POLG: variants seen among roughly 807,000 people sequenced by gnomAD.
The protein encoded by POLG is DNA polymerase gamma, catalytic subunit, also known as DNA polymerase subunit gamma-1.
A neutral mutation model predicts 155.4 loss-of-function variants in POLG; 110 were observed. The observed-to-expected ratio is 0.71, with a 90% CI of 0.61 to 0.83. The LOEUF is 0.83. POLG is among the 40% of genes least tolerant of loss of function. The pLI is 0.00. For missense variants in POLG, 1,685 were observed against 1,627.5 expected (o/e 1.04, Z -0.61); for synonymous variants, 701 against 631.5 (o/e 1.11, Z -1.65).
At chr15:89,331,933 G>T (rs3176168) in intron 2 of POLG, among the ~76,000 whole-genome samples, 91 of 152,290 alleles carry the variant, frequency 6.0e-4, no homozygotes, top group African/African-American at 2.0e-3. Context: ...GGGAGGGAAA[G>T]GAGAGGTAAA....
intron 16 of POLG, among the ~76,000 whole-genome samples, chr15:89,321,507 G>C (rs1449836882): frequency 6.6e-6 from 1 of 152,202 alleles, no homozygotes; most frequent in Non-Finnish European, 1.5e-5. Context: ...AATTCCATGA[G>C]AGCTGTAGCT....
chr15:89,316,629 CTGAAAAA>C lies in POLG; in HGVS notation c.*115_*121del, dbSNP rs774425381. On this transcript the variant is annotated 3_prime_UTR_variant, in exon 23 of 23. Coordinates refer to ENST00000268124, the MANE Select transcript of POLG (RefSeq NM_002693.3). ...GGAATCTTCTTGGCAGGTCCTGCTA[CTGAAAAA>C]TGGCTGGCCTTAGGCAAGCCCTTTT... 2.8e-4 allele frequency: 325 copies of C among 1,144,800 alleles called. No individual in the cohort carries two copies. Among genetic ancestry groups the C allele is most frequent in the Non-Finnish European group, 4.1e-4 (313 of 763,038 alleles). The allele number at this position is 1,144,800 out of a possible 1,614,324, so 70.9% of individuals were successfully genotyped here. A position where few individuals can be genotyped will look rare whatever the true frequency, so the allele number is the denominator to read the frequency against.
At position 89,328,458 on chromosome 15, in the gene POLG, C is replaced by G; in HGVS notation, c.1248G>C (p.Glu416Asp). 1 of 1,613,270 alleles carries G rather than the reference C, an allele frequency of 6.2e-7. No homozygotes were observed. The highest frequency in any genetic ancestry group is 8.5e-7 in the Non-Finnish European group (1 of 1,179,510). ...VFQQQLPLFL[E>D]RCPHPVTLAG... ...TTCCCACATGGGCTCCCCCTCACCT[C>G]TCCAAGAAGAGCGGTAGCTGCTGCT... Residue 416 changes from glutamate to aspartate, a missense_variant and splice_region_variant, in exon 6 of 23, where the codon GAG becomes GAC. By Grantham distance (45) the Glu-to-Asp change is conservative (BLOSUM62 2). Transcript: ENST00000268124.
intron 10 of POLG, among the ~76,000 whole-genome samples, chr15:89,324,815 G>A (rs2055448109): frequency 6.6e-6 from 1 of 152,180 alleles, no homozygotes; most frequent in African/African-American, 2.4e-5. Context: ...GCACTGCTTG[G>A]CCCATAATTA....
Position 89,320,978 on chromosome 15 carries a change from G to A in POLG, c.2769C>T (p.Gly923=). ...GTAGATCAGTGCCCCTGCTCTTCCT[G>A]CCCTGCAGTGTCATCCACCCAAAGG... ...CTAFGWMTLQ[G]RKSRGTDLHS... Residue 923 remains glycine (G), a synonymous_variant, in exon 18 of 23, where the codon GGC becomes GGT. Coordinates refer to ENST00000268124, the MANE Select transcript of POLG (RefSeq NM_002693.3). 1.9e-6 allele frequency: 3 copies of A among 1,582,332 alleles called. No homozygotes were observed. The highest frequency in any genetic ancestry group is 2.3e-5 in the East Asian group (1 of 43,436).
At chr15:89,332,833 G>A (rs2055612270) in intron 2 of POLG, among the ~76,000 whole-genome samples, 1 of 152,168 alleles carries the variant, frequency 6.6e-6, no homozygotes, top group African/African-American at 2.4e-5. Flanking sequence ...GTGGCCTCCC[G>A]AAGGTCTCAT....
rs2055634798 is a variant in POLG at position 89,333,906 on chromosome 15, C to T, written c.-152G>A. 1 of 824,190 alleles carries T rather than the reference C, an allele frequency of 1.2e-6. No homozygotes were observed. The highest frequency in any genetic ancestry group is 1.7e-5 in the African/African-American group (1 of 58,644). 51.1% of individuals were successfully genotyped at this position (824,190 alleles called of 1,614,324 possible). A position where few individuals can be genotyped will look rare whatever the true frequency, so the allele number is the denominator to read the frequency against. On this transcript the variant is annotated 5_prime_UTR_variant, in exon 2 of 23. Transcript: ENST00000268124. ...GGGTTTGACCATGCCTGCCTTCCAC[C>T]CCAAATCCTAAAGGAGACAGATGAT...
chr15:89,318,393 T>C, intron 21 of POLG, 148 bp downstream of exon 21: 1 of 667,714 alleles, frequency 1.5e-6, no homozygotes. Flanking sequence ...TCTACAACTT[T>C]TTAAAAATTA....
intron 5 of POLG, 30 bp from the exon 6 acceptor site, chr15:89,328,565 T>G: frequency 6.2e-7 from 1 of 1,610,258 alleles, no homozygotes; most frequent in Non-Finnish European, 8.5e-7. Flanking sequence ...AGGCGCAAGG[T>G]GGGCAGCCAT....
At chr15:89,322,953 G>C in intron 13 of POLG, 51 bp from the exon 14 acceptor site, 1 of 1,586,380 alleles carries the variant, frequency 6.3e-7, no homozygotes, top group Non-Finnish European at 8.6e-7. Flanking sequence ...AGACCCCTGG[G>C]TGGGGAACCA....
At chr15:89,326,386 G>A (rs1156947002) in intron 9 of POLG, among the ~76,000 whole-genome samples, 1 of 152,192 alleles carries the variant, frequency 6.6e-6, no homozygotes, top group African/African-American at 2.4e-5. Context: ...TGGCTGCCAC[G>A]GGCCATTGCA....
At chr15:89,325,255 A>AGTGAGTGAGAGTGAGTGAGT (rs1312136071) in intron 10 of POLG, among the ~76,000 whole-genome samples, 195 bp downstream of exon 10, 1 of 39,176 alleles carries the variant, frequency 2.6e-5, no homozygotes, top group African/African-American at 1.8e-4. Context: ...AGTGAGAGAG[A>AGTGAGTGAGAGTGAGTGAGT]GAGTGAGTGA....
rs989136091 is a variant in POLG at position 89,318,822 on chromosome 15, A to G, written c.3274-73T>C. 13 of 1,556,714 alleles carry G rather than the reference A, an allele frequency of 8.4e-6. No individual in the cohort carries two copies. The African/African-American group carries it at 1.5e-4, about 18-fold the overall frequency. On this transcript the variant is annotated intron_variant, in intron 20 of 22. Transcript: ENST00000268124. ...AATTAACTCCAGGGTAGAAGCCCCA[A>G]GAGAAGCTTCACTCTGGCCCTACCT...
rs746836347 is a variant in POLG, at chr15:89,329,038, T to A, written c.928A>T (p.Ser310Cys). Reference sequence around the variant, plus strand: ...CCCTGCTTGGCTGCTATCCACAGACTGCGCTGGAAGCTGCTTAGCCCTGAG... The same window carrying A: ...CCCTGCTTGGCTGCTATCCACAGACAGCGCTGGAAGCTGCTTAGCCCTGAG... ...AISGLSSFQR[S>C]LWIAAKQGKH... The change falls in exon 4 of 23, where the codon AGT becomes TGT. Residue 310 changes from serine (S) to cysteine (C), a missense_variant. Around this residue, in one of 3 missense-constraint regions of POLG, gnomAD observed 1,210 missense variants for 1,167.1 expected, o/e 1.04. Transcript: ENST00000268124. The A allele has an allele frequency of 6.2e-7, 1 of 1,613,340 alleles. No individual in the cohort carries two copies. Among genetic ancestry groups the A allele is most frequent in the South Asian group, 1.1e-5 (1 of 91,046 alleles).
chr15:89,324,179 C>G lies in POLG; in HGVS notation c.1998G>C (p.Gln666His), dbSNP rs2055439080. Residue 666 changes from glutamine (Q) to histidine (H), a missense_variant, in exon 11 of 23, where the codon CAG becomes CAC. Physicochemically the swap from Gln to His is conservative, Grantham distance 24. Transcript: ENST00000268124. ...YRKHCLEQGKQQLMPQEAGLA... is the reference protein window; with the variant it reads ...YRKHCLEQGKHQLMPQEAGLA... ...GGCCGGCCTCCTGGGGCATCAGCTG[C>G]TGCTTCCCCTGTTCGAGACAGTGCT... 6.2e-7 allele frequency: 1 copy of G among 1,613,688 alleles called. No individual in the cohort carries two copies. The highest frequency in any genetic ancestry group is 8.5e-7 in the Non-Finnish European group (1 of 1,180,018).
chr15:89,317,350 A>T (rs761191143), intron 22 of POLG, 26 bp downstream of exon 22: 1 of 1,611,596 alleles, frequency 6.2e-7, no homozygotes, highest in Non-Finnish European at 8.5e-7. Flanking sequence ...CCTATGTGTA[A>T]TGAGGAACAA....
Position 89,326,640 on chromosome 15 carries a change from G to T in POLG, c.1684C>A (p.Arg562=), listed in dbSNP as rs756952607. The T allele has an allele frequency of 1.2e-6, 2 of 1,613,976 alleles. No homozygotes were observed. The highest frequency in any genetic ancestry group is 2.2e-5 in the East Asian group (1 of 44,882). The stretch of plus-strand genomic sequence containing the variant: ...GGGTGTCCAGGAAGGTGCTGGGGCC[G>T]CTTGGGCAGGAGCTCTGTGGTCCCC... ...LKGTTELLPK[R]PQHLPGHPGW... The change falls in exon 9 of 23, where the codon CGG becomes AGG. Residue 562 remains arginine (R), a synonymous_variant. Coordinates refer to ENST00000268124, the MANE Select transcript of POLG (RefSeq NM_002693.3).
intron 3 of POLG, 50 bp from the exon 4 acceptor site, chr15:89,329,160 T>G: frequency 6.6e-7 from 1 of 1,520,330 alleles, no homozygotes; most frequent in South Asian, 1.2e-5. Flanking sequence ...GCTGCAACTG[T>G]GGGGCCAGCC....
intron 21 of POLG, 129 bp from the exon 22 acceptor site, chr15:89,317,665 G>C: frequency 1.1e-6 from 1 of 895,918 alleles, no homozygotes; most frequent in Non-Finnish European, 1.8e-6. Context: ...TGTTCACTTA[G>C]CTAAGTCAAG....
Sources: allele counts gnomAD v4.1 joint callset (sites outside exome capture counted in the v4.1 genomes callset), GRCh38; gene constraint gnomAD v4.1.1; regional missense constraint gnomAD v4.1.1; transcripts MANE v1.5; gene names NCBI Gene and HGNC (gene_info 2026-07-23, HGNC 2026-07-21).